Variants in PRTG observed in about 807,000 individuals in gnomAD.
PRTG encodes protogenin, also known as immunoglobulin superfamily, DCC subclass, member 5.
A neutral mutation model predicts 122.5 loss-of-function variants in PRTG; 67 were observed. The ratio of observed to expected loss-of-function variants is 0.55; its 90% CI spans 0.45 to 0.67. PRTG has a LOEUF of 0.67. Ranked by LOEUF, PRTG falls within the 30% of genes least tolerant of loss-of-function variation. PRTG has a pLI of 0.00. For missense variants in PRTG, 1,435 were observed against 1,415.4 expected (o/e 1.01, Z -0.22); for synonymous variants, 554 against 501.1 (o/e 1.11, Z -1.41).
intron 11 of PRTG, among the ~76,000 whole-genome samples, chr15:55,658,189 C>G (rs772743095): frequency 6.6e-6 from 1 of 152,188 alleles, no homozygotes; most frequent in Non-Finnish European, 1.5e-5. Context: ...ATGAATGTAC[C>G]ATAGCTTGTT....
chr15:55,709,778 A>G (rs1423521242), intron 2 of PRTG, among the ~76,000 whole-genome samples: 1 of 152,230 alleles, frequency 6.6e-6, no homozygotes, highest in Non-Finnish European at 1.5e-5. Flanking sequence ...AAACGAGTAC[A>G]TATTATTTGA....
chr15:55,705,201 C>A (rs2030051871), intron 2 of PRTG, among the ~76,000 whole-genome samples: 1 of 152,162 alleles, frequency 6.6e-6, no homozygotes, highest in Non-Finnish European at 1.5e-5. Flanking sequence ...GACAAAACAT[C>A]CACTCAAGGA....
rs1567095305 is a variant in PRTG at position 55,677,835 on chromosome 15, TTGTC to T, written c.1339_1342del (p.Asp447LysfsTer10). 1 of 1,613,886 alleles carries T rather than the reference TTGTC, an allele frequency of 6.2e-7. No homozygotes were observed. The highest frequency in any genetic ancestry group is 1.3e-5 in the African/African-American group (1 of 75,022). On this transcript the variant is annotated frameshift_variant, in exon 8 of 20. Transcript: ENST00000389286. LOFTEE classifies it high-confidence loss of function. The stretch of plus-strand genomic sequence containing the variant: ...GTAGTGTACAGAATAGGCAATGACT[TTGTC>T]TGAATTATAAAGTGGCCTCTCCCAG...
intron 2 of PRTG, among the ~76,000 whole-genome samples, chr15:55,730,585 G>C (rs980838233): frequency 6.6e-6 from 1 of 152,032 alleles, no homozygotes; most frequent in Non-Finnish European, 1.5e-5. Context: ...CGGATCACAC[G>C]GTCAGGATAT....
intron 2 of PRTG, among the ~76,000 whole-genome samples, chr15:55,694,469 C>T (rs915288631): frequency 6.6e-6 from 1 of 151,864 alleles, no homozygotes; most frequent in African/African-American, 2.4e-5. Flanking sequence ...CTAACCAGTG[C>T]CCTAAACCTG....
At chr15:55,734,835 C>G (rs2031359114) in intron 2 of PRTG, among the ~76,000 whole-genome samples, 1 of 152,074 alleles carries the variant, frequency 6.6e-6, no homozygotes, top group African/African-American at 2.4e-5. Context: ...CGCCTTTATC[C>G]TCTGCATACA....
chr15:55,676,121 C>A (rs1262642119), intron 8 of PRTG, among the ~76,000 whole-genome samples: 1 of 151,926 alleles, frequency 6.6e-6, no homozygotes, highest in Non-Finnish European at 1.5e-5. Context: ...AAAAACAAAC[C>A]AAACCAGAAG....
chr15:55,711,252 A>T (rs1253921312), intron 2 of PRTG, among the ~76,000 whole-genome samples: 1 of 151,902 alleles, frequency 6.6e-6, no homozygotes, highest in Admixed American at 6.6e-5. Flanking sequence ...ATCCTTTCCT[A>T]TTCCTCTGTA....
In PRTG at chr15:55,612,181, T is replaced by C. The variant is rs970599372; in HGVS notation, c.*7831A>G. On this transcript the variant is annotated 3_prime_UTR_variant, in exon 20 of 20. Transcript: ENST00000389286. The stretch of plus-strand genomic sequence containing the variant: ...ATTAACAGGCTCAAGTTGCTAATCA[T>C]CAGTAATAATTTTCATTTGCAAACA... 5.9e-5 allele frequency: 9 copies of C among 152,088 alleles called. No individual in the cohort carries two copies. The highest frequency in any genetic ancestry group is 2.2e-4 in the African/African-American group (9 of 41,434). 9.4% of individuals were successfully genotyped at this position (152,088 alleles called of 1,614,324 possible). A position where few individuals can be genotyped will look rare whatever the true frequency, so the allele number is the denominator to read the frequency against.
rs1299998842 is a variant in PRTG, at chr15:55,730,978, G to C, written c.397+9404C>G. On this transcript the variant is annotated intron_variant, in intron 2 of 19. Transcript: ENST00000389286. ...AGGAAGAGGAAGGCATAATGATATT[G>C]CAAGTGAAAGTAGGCAAGGATTCTC... Among the ~76,000 whole-genome samples, 10 of 152,158 alleles carry C rather than the reference G, an allele frequency of 6.6e-5. No homozygotes were observed. The East Asian group carries it at 1.2e-3, about 18-fold the overall frequency.
chr15:55,672,386 T>G (rs2059477085), intron 11 of PRTG, 59 bp downstream of exon 11: 1 of 1,387,134 alleles, frequency 7.2e-7, no homozygotes, highest in Non-Finnish European at 1.0e-6. Context: ...CCAATAACTT[T>G]TTTCGCAGTT....
intron 2 of PRTG, among the ~76,000 whole-genome samples, chr15:55,733,137 A>T (rs2141886866): frequency 6.6e-6 from 1 of 152,210 alleles, no homozygotes; most frequent in East Asian, 1.9e-4. Context: ...TGAACCCGGG[A>T]GGCAGAGGTT....
intron 11 of PRTG, among the ~76,000 whole-genome samples, chr15:55,645,825 G>A (rs535820700): frequency 3.9e-5 from 6 of 152,146 alleles, no homozygotes; most frequent in South Asian, 4.2e-4. Context: ...GAGACTCAGC[G>A]GACTTAGGCT....
intron 1 of PRTG, chr15:55,742,584 CGCG>C (rs1347619226): frequency 1.5e-5 from 7 of 464,164 alleles, no homozygotes; most frequent in African/African-American, 6.2e-5. Context: ...GCCACGGGCG[CGCG>C]GCGCGGAGGG....
intron 2 of PRTG, among the ~76,000 whole-genome samples, chr15:55,734,941 T>C (rs1402750466): frequency 3.9e-5 from 6 of 152,208 alleles, no homozygotes; most frequent in African/African-American, 7.2e-5. Flanking sequence ...TTATCAATTG[T>C]TTACTGTGAG....
intron 2 of PRTG, among the ~76,000 whole-genome samples, chr15:55,702,291 T>TA (rs2029922543): frequency 1.3e-5 from 2 of 152,314 alleles, no homozygotes; most frequent in Admixed American, 1.3e-4. Context: ...TAGAGACCCC[T>TA]TTAATATTCC....
At chr15:55,646,477 C>T (rs1033579812) in intron 11 of PRTG, among the ~76,000 whole-genome samples, 6 of 151,920 alleles carry the variant, frequency 3.9e-5, no homozygotes, top group East Asian at 1.9e-4. Flanking sequence ...CGCCCGCCAC[C>T]ACGCCCGGCC....
chr15:55,732,098 A>G (rs1363236556), intron 2 of PRTG, among the ~76,000 whole-genome samples: 2 of 152,256 alleles, frequency 1.3e-5, no homozygotes, highest in African/African-American at 4.8e-5. Context: ...CTGTAAAAAT[A>G]TGGTATTATC....
intron 2 of PRTG, among the ~76,000 whole-genome samples, chr15:55,716,467 G>A (rs1281873533): frequency 6.6e-6 from 1 of 152,152 alleles, no homozygotes; most frequent in Non-Finnish European, 1.5e-5. Context: ...TTATTTGTAT[G>A]GGAGGGAAGA....
Sources: allele counts gnomAD v4.1 joint callset (sites outside exome capture counted in the v4.1 genomes callset), GRCh38; gene constraint gnomAD v4.1.1; transcripts MANE v1.5; gene names NCBI Gene and HGNC (gene_info 2026-07-23, HGNC 2026-07-21).